The following RNF217 variants were observed in gnomAD, a reference collection of about 807,000 sequenced individuals.
RNF217 encodes the protein ring finger protein 217, also known as E3 ubiquitin-protein ligase RNF217.
In RNF217, 31 loss-of-function variants were observed where a neutral mutation model predicts 57.8. That is an observed-to-expected ratio of 0.54 (90% confidence interval 0.40 to 0.72). The LOEUF is 0.72. Ranked by LOEUF, RNF217 falls within the 30% of genes least tolerant of loss-of-function variation. RNF217 has a pLI of 0.00. For synonymous variants in RNF217, 313 were observed against 294.0 expected, an observed-to-expected ratio of 1.06 and a Z score of -0.66; for missense variants, 696 against 708.3, an observed-to-expected ratio of 0.98 and a Z score of 0.20.
chr6:124,977,507 C>G (rs1256614046), intron 1 of RNF217, among the ~76,000 whole-genome samples: 1 of 152,172 alleles, frequency 6.6e-6, no homozygotes, highest in Non-Finnish European at 1.5e-5. Context: ...TGTTTTATAT[C>G]ATTAATTCAT....
At chr6:125,047,551 CA>C (rs1240775902) in intron 2 of RNF217, among the ~76,000 whole-genome samples, 2 of 152,064 alleles carry the variant, frequency 1.3e-5, no homozygotes, top group Non-Finnish European at 2.9e-5. Flanking sequence ...AGAAGAGAAG[CA>C]GGGGCAAATG....
At chr6:124,997,858 A>G (rs911913316) in intron 1 of RNF217, among the ~76,000 whole-genome samples, 1 of 151,880 alleles carries the variant, frequency 6.6e-6, no homozygotes, top group East Asian at 1.9e-4. Context: ...CTTGCTTTTA[A>G]TTTTTTCATC....
intron 1 of RNF217, among the ~76,000 whole-genome samples, chr6:125,035,327 T>C (rs1786561215): frequency 6.6e-6 from 1 of 152,090 alleles, no homozygotes; most frequent in Non-Finnish European, 1.5e-5. Flanking sequence ...TGATATTGGC[T>C]GTGGGTTTGT....
chr6:125,082,904 G>A lies in RNF217; in HGVS notation c.1596G>A (p.Gln532=), dbSNP rs1582788436. The A allele has an allele frequency of 1.2e-6, 2 of 1,604,574 alleles. No homozygotes were observed. The highest frequency in any genetic ancestry group is 4.5e-5 in the East Asian group (2 of 44,790). The change falls in exon 6 of 6, where the codon CAG becomes CAA. Residue 532 remains glutamine (Q), a synonymous_variant. Coordinates refer to ENST00000521654, the MANE Select transcript of RNF217 (RefSeq NM_001286398.3). The part of the protein sequence containing the change: ...VFPIYCLCKK[Q]RKRSRTGMHW ...CTATCTATTGCCTTTGTAAAAAACA[G>A]AGAAAACGATCACGGACAGGTATGC... is the stretch of plus-strand genomic sequence containing the variant.
At chr6:125,013,713 A>G (rs1343342508) in intron 1 of RNF217, among the ~76,000 whole-genome samples, 1 of 152,160 alleles carries the variant, frequency 6.6e-6, no homozygotes, top group Non-Finnish European at 1.5e-5. Flanking sequence ...TACTCCATAT[A>G]TATCAATTAC....
intron 1 of RNF217, among the ~76,000 whole-genome samples, chr6:125,019,345 T>TA (rs1202285371): frequency 6.6e-6 from 1 of 152,190 alleles, no homozygotes; most frequent in Non-Finnish European, 1.5e-5. Flanking sequence ...GATTAGAACT[T>TA]ACAACTCTGC....
Position 125,082,938 on chromosome 6 carries a change from C to A in RNF217, c.*1C>A. 1.3e-6 allele frequency: 2 copies of A among 1,590,118 alleles called. No individual in the cohort carries two copies. Among genetic ancestry groups the A allele is most frequent in the Non-Finnish European group, 1.7e-6 (2 of 1,171,914 alleles). ...ATCACGGACAGGTATGCACTGGTAA[C>A]ATGCAGATGATTTCATCCAGCTAAG... On this transcript the variant is annotated 3_prime_UTR_variant, in exon 6 of 6. Coordinates refer to ENST00000521654, the MANE Select transcript of RNF217 (RefSeq NM_001286398.3).
chr6:125,076,961 C>A, intron 4 of RNF217, 103 bp downstream of exon 4: 1 of 998,572 alleles, frequency 1.0e-6, no homozygotes, highest in Non-Finnish European at 1.6e-6. Flanking sequence ...CTGCCATGTG[C>A]CCAGTGTTCA....
intron 1 of RNF217, among the ~76,000 whole-genome samples, chr6:125,021,347 A>C (rs554960450): frequency 9.9e-5 from 15 of 151,122 alleles, no homozygotes; most frequent in Admixed American, 9.9e-4. Context: ...GCTCACTGCA[A>C]CCTGTACCTC....
intron 2 of RNF217, among the ~76,000 whole-genome samples, chr6:125,047,721 A>G (rs1025468053): frequency 3.9e-5 from 6 of 152,126 alleles, no homozygotes; most frequent in Admixed American, 1.3e-4. Flanking sequence ...ATTAAACTCA[A>G]TTGATTCCTT....
At chr6:124,999,203 T>A (rs187020750) in intron 1 of RNF217, among the ~76,000 whole-genome samples, 461 of 152,304 alleles carry the variant, frequency 3.0e-3, no homozygotes, top group Non-Finnish European at 5.4e-3. Context: ...TTTGGTATAT[T>A]TCATTTTAAA....
intron 3 of RNF217, among the ~76,000 whole-genome samples, chr6:125,063,142 A>G (rs1379281385): frequency 1.3e-5 from 2 of 152,220 alleles, no homozygotes; most frequent in African/African-American, 4.8e-5. Flanking sequence ...ATATTTGTTC[A>G]ATGTCATGCA....
intron 1 of RNF217, among the ~76,000 whole-genome samples, chr6:124,968,718 G>T (rs1783645242): frequency 6.6e-6 from 1 of 152,182 alleles, no homozygotes; most frequent in Non-Finnish European, 1.5e-5. Context: ...TTTAGAGTGT[G>T]ATTTTTCCCT....
At chr6:125,010,291 T>A (rs1785370241) in intron 1 of RNF217, among the ~76,000 whole-genome samples, 1 of 152,216 alleles carries the variant, frequency 6.6e-6, no homozygotes, top group Admixed American at 6.5e-5. Flanking sequence ...ACCATGTTTT[T>A]GTCTATTTTA....
chr6:125,063,044 G>C (rs781644597), intron 3 of RNF217, among the ~76,000 whole-genome samples: 1 of 152,044 alleles, frequency 6.6e-6, no homozygotes, highest in Non-Finnish European at 1.5e-5. Flanking sequence ...TGTAGACTTA[G>C]TCATTACAAA....
chr6:125,063,616 G>A (rs1787828744), intron 3 of RNF217, among the ~76,000 whole-genome samples: 2 of 152,040 alleles, frequency 1.3e-5, no homozygotes, highest in South Asian at 4.2e-4. Context: ...GATTTTCAGT[G>A]TACCACTCAG....
At chr6:125,030,759 G>A (rs1385725749) in intron 1 of RNF217, among the ~76,000 whole-genome samples, 3 of 152,092 alleles carry the variant, frequency 2.0e-5, no homozygotes, top group Non-Finnish European at 4.4e-5. Flanking sequence ...GCTTTTCCAG[G>A]CACACGGTGC....
At chr6:125,011,518 C>T (rs1785414259) in intron 1 of RNF217, among the ~76,000 whole-genome samples, 1 of 152,068 alleles carries the variant, frequency 6.6e-6, no homozygotes, top group Non-Finnish European at 1.5e-5. Flanking sequence ...TTTTCAGTTT[C>T]TTGATCTATT....
intron 1 of RNF217, among the ~76,000 whole-genome samples, chr6:125,032,053 G>A (rs375413845): frequency 1.3e-3 from 196 of 152,274 alleles, no homozygotes; most frequent in African/African-American, 4.5e-3. Flanking sequence ...ATCAGATCTC[G>A]TGAGACTTAT....
Sources: allele counts gnomAD v4.1 joint callset (sites outside exome capture counted in the v4.1 genomes callset), GRCh38; gene constraint gnomAD v4.1.1; transcripts MANE v1.5; gene names NCBI Gene and HGNC (gene_info 2026-07-23, HGNC 2026-07-21).